The following PRMT7 variants were observed in gnomAD, a reference collection of about 807,000 sequenced individuals.
The protein encoded by PRMT7 is protein arginine methyltransferase 7.
Under a neutral mutation model 85.4 loss-of-function variants are expected in PRMT7, and 75 were observed. The ratio of observed to expected loss-of-function variants is 0.88; its 90% CI spans 0.73 to 1.06. PRMT7 has a LOEUF of 1.06. Ranked by LOEUF, PRMT7 falls within the 50% of genes least tolerant of loss-of-function variation. PRMT7 has a pLI of 0.00. For missense variants in PRMT7, 868 were observed against 915.2 expected, an observed-to-expected ratio of 0.95 and a Z score of 0.67; for synonymous variants, 397 against 359.5, an observed-to-expected ratio of 1.10 and a Z score of -1.18.
intron 18 of PRMT7, 126 bp downstream of exon 18, chr16:68,356,923 C>T: frequency 7.4e-7 from 1 of 1,360,206 alleles, no homozygotes. Context: ...ATGATGACCC[C>T]TCAGTGGTCC....
In PRMT7 at chr16:68,341,380, A is replaced by AG. The variant is rs2085509660; in HGVS notation, c.927+1413dup. Among the ~76,000 whole-genome samples, 4 of 152,216 alleles carry AG rather than the reference A, an allele frequency of 2.6e-5. No individual in the cohort carries two copies. The South Asian group carries it at 8.3e-4, about 32-fold the overall frequency. ...GGGGGAGAGATTTGTTACTCAAATC[A>AG]GTCTCCCTGAAAATTCACAGGCTAC... On this transcript the variant is annotated intron_variant, in intron 9 of 18. Coordinates refer to ENST00000441236, the MANE Select transcript of PRMT7 (RefSeq NM_019023.5).
chr16:68,312,529 G>C (rs60143668), intron 2 of PRMT7, among the ~76,000 whole-genome samples: 1 of 152,024 alleles, frequency 6.6e-6, no homozygotes, highest in African/African-American at 2.4e-5. Flanking sequence ...AGCCACCACC[G>C]CCTAGCAAAT....
At chr16:68,319,440 G>T (rs2082233435) in intron 3 of PRMT7, among the ~76,000 whole-genome samples, 1 of 152,094 alleles carries the variant, frequency 6.6e-6, no homozygotes. Flanking sequence ...GTTACCGAGA[G>T]TGATGTCAGT....
intron 17 of PRMT7, 65 bp downstream of exon 17, chr16:68,355,948 G>T (rs1000994084): frequency 2.1e-6 from 3 of 1,444,586 alleles, no homozygotes; most frequent in African/African-American, 1.4e-5. Context: ...TCTCACCCCC[G>T]TGGTGAGCAC....
At position 68,324,731 on chromosome 16, in the gene PRMT7, G is replaced by A. The variant is rs1229944778; in HGVS notation, c.181G>A (p.Asp61Asn). 1 of 1,614,194 alleles carries A rather than the reference G, an allele frequency of 6.2e-7. No homozygotes were observed. Among genetic ancestry groups the A allele is most frequent in the Admixed American group, 1.7e-5 (1 of 60,002 alleles). Residue 61 changes from aspartate to asparagine, a missense_variant, in exon 5 of 19, where the codon GAC becomes AAC. Physicochemically the swap from Asp to Asn is conservative, Grantham distance 23 (BLOSUM62 1). Transcript: ENST00000441236. Reference protein sequence around the residue: ...GIRAAVSRVKDRGQKALVLDI... With the variant: ...GIRAAVSRVKNRGQKALVLDI... ...CCGGGCTGCCGTGAGCAGGGTGAAG[G>A]ACAGAGGACAGAAGGCCTTGGTTCT...
At position 68,321,463 on chromosome 16, in the gene PRMT7, G is replaced by A; in HGVS notation, c.132+1G>A. The A allele has an allele frequency of 6.2e-7, 1 of 1,607,636 alleles. No homozygotes were observed. The highest frequency in any genetic ancestry group is 8.5e-7 in the Non-Finnish European group (1 of 1,175,706). On this transcript the variant is annotated splice_donor_variant, in intron 4 of 18. Coordinates refer to ENST00000441236, the MANE Select transcript of PRMT7 (RefSeq NM_019023.5). LOFTEE classifies it high-confidence loss of function. ...AGATATGCTACATGACAAAGACAGA[G>A]TAAGTGTAAAAGGAAACTATTATCT...
At chr16:68,345,968 A>G (rs1328486242) in intron 10 of PRMT7, among the ~76,000 whole-genome samples, 166 bp downstream of exon 10, 1 of 152,192 alleles carries the variant, frequency 6.6e-6, no homozygotes, top group Non-Finnish European at 1.5e-5. Context: ...GTGTGTACCC[A>G]GGAGAGGCTG....
At chr16:68,327,950 T>G (rs1057351776) in intron 5 of PRMT7, among the ~76,000 whole-genome samples, 4 of 151,242 alleles carry the variant, frequency 2.6e-5, no homozygotes, top group Non-Finnish European at 5.9e-5. Flanking sequence ...AAAAGAAAAA[T>G]TAAATGGAAA....
At chr16:68,315,189 A>G (rs1016554475) in intron 2 of PRMT7, 1 of 151,838 alleles carries the variant, frequency 6.6e-6, no homozygotes, top group Admixed American at 6.6e-5. Flanking sequence ...GAAAAAGAAC[A>G]ATACTTTTGA....
At chr16:68,359,273 G>T (rs1044614182), downstream of PRMT7, 1 of 152,530 alleles carries the variant, frequency 6.6e-6, no homozygotes, top group Non-Finnish European at 1.5e-5. Context: ...GAAGTTGGGG[G>T]CCTCCACATC....
chr16:68,356,019 T>G, intron 17 of PRMT7, 136 bp downstream of exon 17: 1 of 1,005,426 alleles, frequency 9.9e-7, no homozygotes. Context: ...AACCTTGCCC[T>G]TCCCTGTCAG....
chr16:68,321,286 TA>T (rs1352666054), intron 3 of PRMT7, 139 bp from the exon 4 acceptor site: 5 of 606,030 alleles, frequency 8.3e-6, no homozygotes, highest in Admixed American at 6.7e-5. Context: ...AAAAAATAAA[TA>T]AAGATAAAAG....
intron 7 of PRMT7, among the ~76,000 whole-genome samples, chr16:68,338,028 GC>G (rs1004711844): frequency 1.4e-4 from 21 of 152,188 alleles, no homozygotes; most frequent in African/African-American, 5.1e-4. Context: ...CTGGGCAGGG[GC>G]TAGATGGAGT....
At chr16:68,318,310 C>T (rs968128915) in intron 3 of PRMT7, among the ~76,000 whole-genome samples, 7 of 151,428 alleles carry the variant, frequency 4.6e-5, no homozygotes, top group Non-Finnish European at 8.8e-5. Flanking sequence ...CGCCATTCTC[C>T]CGCCTCAGCC....
chr16:68,316,074 G>C lies in PRMT7; in HGVS notation c.95G>C (p.Arg32Thr), dbSNP rs149170494. 2.7e-5 allele frequency: 44 copies of C among 1,612,914 alleles called. No individual in the cohort carries two copies. Among genetic ancestry groups the C allele is most frequent in the Non-Finnish European group, 3.6e-5 (42 of 1,179,540 alleles). Residue 32 changes from arginine to threonine, a missense_variant and splice_region_variant, in exon 3 of 19, where the codon AGG becomes ACG. Coordinates refer to ENST00000441236, the MANE Select transcript of PRMT7 (RefSeq NM_019023.5). ...EHYDYHQEIA[R>T]SSYADMLHDK... ...TATGATTACCACCAGGAGATTGCAAGGTACTGGGTTGGTTTACAGCAGGCT... is the reference window on the plus strand; with the variant it reads ...TATGATTACCACCAGGAGATTGCAACGTACTGGGTTGGTTTACAGCAGGCT...
chr16:68,338,583 G>A (rs1280148970), intron 7 of PRMT7, among the ~76,000 whole-genome samples: 2 of 152,120 alleles, frequency 1.3e-5, no homozygotes, highest in Non-Finnish European at 2.9e-5. Context: ...AGCACAGCCT[G>A]GGGAAGGCAG....
intron 14 of PRMT7, among the ~76,000 whole-genome samples, chr16:68,349,328 A>G (rs929240241): frequency 6.6e-6 from 1 of 152,022 alleles, no homozygotes; most frequent in Admixed American, 6.5e-5. Context: ...TCATGTGTGA[A>G]TCAGTGACCA....
rs79857822 is a variant in PRMT7 at position 68,342,404 on chromosome 16, C to A, written c.927+2436C>A. Among the ~76,000 whole-genome samples, 1,444 of 152,312 alleles carry A rather than the reference C, an allele frequency of 9.5e-3. 26 individuals carry two copies. The highest frequency in any genetic ancestry group is 0.033 in the African/African-American group (1,373 of 41,566). On this transcript the variant is annotated intron_variant, in intron 9 of 18. Transcript: ENST00000441236. ...AAAATGGGGGTTGGTTAGATGAGAT[C>A]TCTTTCACTGTCATAATTTTCTCAC...
intron 4 of PRMT7, chr16:68,322,275 C>G (rs1486439631): frequency 9.2e-6 from 3 of 326,248 alleles, no homozygotes; most frequent in Non-Finnish European, 1.9e-5. Context: ...CTCGGCTGCA[C>G]TGCAGCCTAG....
Sources: allele counts gnomAD v4.1 joint callset (sites outside exome capture counted in the v4.1 genomes callset), GRCh38; gene constraint gnomAD v4.1.1; transcripts MANE v1.5; gene names NCBI Gene and HGNC (gene_info 2026-07-23, HGNC 2026-07-21).